ZZZ3: variants seen among roughly 807,000 people sequenced by gnomAD.
ZZZ3 encodes the protein ZZ-type zinc finger-containing protein 3.
Under a neutral mutation model 95.2 loss-of-function variants are expected in ZZZ3, and 22 were observed. The ratio of observed to expected loss-of-function variants is 0.23; its 90% confidence interval spans 0.17 to 0.33. The LOEUF is 0.33. Ranked by LOEUF, ZZZ3 falls within the 10% of genes least tolerant of loss-of-function variation. The pLI, the probability that ZZZ3 is intolerant of heterozygous loss-of-function variation, is 1.00. For synonymous variants in ZZZ3, 335 were observed against 358.9 expected, an observed-to-expected ratio of 0.93 and a Z score of 0.75; for missense variants, 885 against 1,066.5, an observed-to-expected ratio of 0.83 and a Z score of 2.37.
At position 77,581,812 on chromosome 1, in the gene ZZZ3, C is replaced by T; in HGVS notation, c.1872G>A (p.Leu624=). ...TGCTTGAGCCTTCTGGACCATCACT[C>T]AAAGGCAACATAGAATATGAAAGGG... ...GESLSYSMLP[L]SDGPEGSSSR... The change falls in exon 8 of 15, where the codon TTG becomes TTA. Residue 624 remains leucine, a synonymous_variant. Transcript: ENST00000370801. 1 of 1,613,994 alleles carries T rather than the reference C, an allele frequency of 6.2e-7. No homozygotes were observed. The highest frequency in any genetic ancestry group is 8.5e-7 in the Non-Finnish European group (1 of 1,179,920).
At chr1:77,629,064 A>T (rs1167009204) in intron 5 of ZZZ3, among the ~76,000 whole-genome samples, 1 of 152,180 alleles carries the variant, frequency 6.6e-6, no homozygotes, top group East Asian at 1.9e-4. Flanking sequence ...ACTTGAAAGC[A>T]CCAGACAGGT....
chr1:77,596,071 C>T (rs573053766), intron 5 of ZZZ3, among the ~76,000 whole-genome samples: 3 of 152,092 alleles, frequency 2.0e-5, no homozygotes, highest in African/African-American at 7.2e-5. Context: ...GTATGTGCTA[C>T]TTCATAAGCT....
chr1:77,633,889 C>T (rs141590056), intron 4 of ZZZ3, among the ~76,000 whole-genome samples: 13 of 152,218 alleles, frequency 8.5e-5, no homozygotes, highest in African/African-American at 2.9e-4. Flanking sequence ...TAATAATCTT[C>T]GGCCGGGCGC....
intron 12 of ZZZ3, among the ~76,000 whole-genome samples, chr1:77,575,157 C>G (rs1216244618): frequency 6.6e-6 from 1 of 151,994 alleles, no homozygotes; most frequent in Non-Finnish European, 1.5e-5. Flanking sequence ...GCACTCCTGC[C>G]TGGGCGACAG....
At chr1:77,565,862 G>A (rs1340999790) in intron 14 of ZZZ3, 78 bp from the exon 15 acceptor site, 2 of 1,378,850 alleles carry the variant, frequency 1.5e-6, no homozygotes, top group African/African-American at 2.9e-5. Context: ...CTTCCTCACA[G>A]CTCTCCCTGT....
At chr1:77,610,711 T>C (rs1665709173) in intron 5 of ZZZ3, among the ~76,000 whole-genome samples, 1 of 151,652 alleles carries the variant, frequency 6.6e-6, no homozygotes, top group African/African-American at 2.4e-5. Context: ...ACAAAAACTA[T>C]GATCATTTCA....
chr1:77,596,406 G>C (rs570554068), intron 5 of ZZZ3, among the ~76,000 whole-genome samples: 1 of 152,010 alleles, frequency 6.6e-6, no homozygotes, highest in Non-Finnish European at 1.5e-5. Context: ...TTTTTTTTCA[G>C]ACTGGTGAGG....
Position 77,657,176 on chromosome 1 carries a change from T to C in ZZZ3, c.-402-15521A>G, listed in dbSNP as rs1398144458. 3.3e-5 allele frequency among the ~76,000 whole-genome samples: 5 copies of C among 152,268 alleles called. No individual in the cohort carries two copies. In the East Asian group the frequency reaches 9.7e-4, roughly 29 times the overall value. On this transcript the variant is annotated intron_variant, in intron 1 of 14. Transcript: ENST00000370801. ...TTTCTATTTTTAGTAGAGATGGGGT[T>C]TCACTGTGTTGGCCAGACTGGTTTC...
intron 11 of ZZZ3, among the ~76,000 whole-genome samples, chr1:77,577,351 C>A (rs1339319857): frequency 6.6e-6 from 1 of 151,968 alleles, no homozygotes. Flanking sequence ...AGAAATTAAC[C>A]ATGAAAATAA....
At chr1:77,579,807 C>T (rs528011731) in intron 9 of ZZZ3, 179 bp from the exon 10 acceptor site, 2 of 409,046 alleles carry the variant, frequency 4.9e-6, no homozygotes, top group Admixed American at 4.4e-5. Flanking sequence ...TAAGACTTCA[C>T]AGGGAACAAT....
intron 5 of ZZZ3, among the ~76,000 whole-genome samples, chr1:77,602,414 T>C (rs183388255): frequency 1.6e-4 from 24 of 152,286 alleles, no homozygotes; most frequent in Admixed American, 2.6e-4. Context: ...ATTTGTTTGA[T>C]TGATAAAATT....
Position 77,581,816 on chromosome 1 carries a change from G to C in ZZZ3, c.1868C>G (p.Pro623Arg). ...TGAGCCTTCTGGACCATCACTCAAAGGCAACATAGAATATGAAAGGGACTC... is the reference window on the plus strand; with the variant it reads ...TGAGCCTTCTGGACCATCACTCAAACGCAACATAGAATATGAAAGGGACTC... Reference protein sequence around the residue: ...DGESLSYSMLPLSDGPEGSSS... With the variant: ...DGESLSYSMLRLSDGPEGSSS... Residue 623 changes from proline to arginine, a missense_variant, in exon 8 of 15, where the codon CCT becomes CGT. By Grantham distance (103) the Pro-to-Arg change is moderately radical (BLOSUM62 -2). Coordinates refer to ENST00000370801, the MANE Select transcript of ZZZ3 (RefSeq NM_015534.6). 2 of 1,614,024 alleles carry C rather than the reference G, an allele frequency of 1.2e-6. No individual in the cohort carries two copies. The highest frequency in any genetic ancestry group is 1.1e-5 in the South Asian group (1 of 91,074).
chr1:77,667,059 T>C (rs899784649), intron 1 of ZZZ3, among the ~76,000 whole-genome samples: 2 of 152,240 alleles, frequency 1.3e-5, no homozygotes, highest in Admixed American at 1.3e-4. Flanking sequence ...ACTAGGCTAT[T>C]AATCAAAGTC....
chr1:77,624,472 C>A (rs996649482), intron 5 of ZZZ3, among the ~76,000 whole-genome samples: 1 of 113,086 alleles, frequency 8.8e-6, no homozygotes, highest in South Asian at 2.6e-4. Flanking sequence ...AAATGAAGCT[C>A]CATTTTGAAA....
intron 4 of ZZZ3, among the ~76,000 whole-genome samples, chr1:77,634,276 A>G (rs752000628): frequency 6.6e-6 from 1 of 152,182 alleles, no homozygotes; most frequent in African/African-American, 2.4e-5. Flanking sequence ...TTCTTTCAAA[A>G]TGTTCCCGGT....
At chr1:77,683,249 A>C (rs1672978433), upstream of ZZZ3, 1 of 126,986 alleles carries the variant, frequency 7.9e-6, no homozygotes, top group Non-Finnish European at 1.6e-5. Flanking sequence ...ACGTGTCCCG[A>C]GCTCTTGCTC....
At chr1:77,623,540 G>A (rs1053953671) in intron 5 of ZZZ3, among the ~76,000 whole-genome samples, 5 of 152,000 alleles carry the variant, frequency 3.3e-5, no homozygotes, top group African/African-American at 7.2e-5. Flanking sequence ...AAGGCTAACC[G>A]AGATCTAGAG....
rs10581619 is a variant in ZZZ3 at position 77,568,471 on chromosome 1, CAAAAA to C, written c.2332-10_2332-6del. ...GATAGGAATACTTTCGTCATCCTATCAAAAAAAAAAAAAAAAAAAAATGTTGGTTT... is the reference window on the plus strand; with the variant it reads ...GATAGGAATACTTTCGTCATCCTATCAAAAAAAAAAAAAAAATGTTGGTTT... On this transcript the variant is annotated splice_region_variant and splice_polypyrimidine_tract_variant and intron_variant, in intron 12 of 14. Transcript: ENST00000370801. 6.0e-3 allele frequency: 3,533 copies of C among 588,716 alleles called. No individual in the cohort carries two copies. Among genetic ancestry groups the C allele is most frequent in the Middle Eastern group, 7.3e-3 (13 of 1,780 alleles). The allele number at this position is 588,716 out of a possible 1,614,324, so 36.5% of individuals were successfully genotyped here.
chr1:77,635,554 A>C (rs762897072), intron 4 of ZZZ3, among the ~76,000 whole-genome samples: 1 of 152,262 alleles, frequency 6.6e-6, no homozygotes, highest in Non-Finnish European at 1.5e-5. Flanking sequence ...TGAGTGTCCC[A>C]TAATTTTCCA....
Sources: allele counts gnomAD v4.1 joint callset (sites outside exome capture counted in the v4.1 genomes callset), GRCh38; gene constraint gnomAD v4.1.1; transcripts MANE v1.5; gene names NCBI Gene and HGNC (gene_info 2026-07-23, HGNC 2026-07-21).